Variants in TMEM255B observed in about 807,000 individuals in gnomAD.
TMEM255B encodes family with sequence similarity 70, member B.
Under a neutral mutation model 34.5 loss-of-function variants are expected in TMEM255B, and 35 were observed. That is an observed-to-expected ratio of 1.01 (90% CI 0.77 to 1.34). TMEM255B has a LOEUF of 1.34. Ranked by LOEUF, TMEM255B falls within the 40% of genes most tolerant of loss-of-function variation. The pLI is 0.00. For missense variants in TMEM255B, 432 were observed against 433.2 expected (o/e 1.00, Z 0.02); for synonymous variants, 206 against 201.2 (o/e 1.02, Z -0.20).
At position 113,770,675 on chromosome 13, in the gene TMEM255B, G is replaced by C. The variant is rs1034593464; in HGVS notation, c.252+1515G>C. 2.0e-5 allele frequency among the ~76,000 whole-genome samples: 3 copies of C among 152,104 alleles called. No individual in the cohort carries two copies. Among genetic ancestry groups the C allele is most frequent in the African/African-American group, 7.2e-5 (3 of 41,418 alleles). ...TTTCCTCTCCCACCCACCCCCTGTT[G>C]TTGGCTCCCGAGGGTGGGCGTCACA... On this transcript the variant is annotated intron_variant, in intron 3 of 8. Transcript: ENST00000375353. This position sits in a 1 kb window ranked among gnomAD's most constrained non-coding sequence, Gnocchi z 4.6.
rs1198488955 is a variant in TMEM255B at position 113,806,406 on chromosome 13, A to G, written c.813+1378A>G. 1.3e-5 allele frequency among the ~76,000 whole-genome samples: 2 copies of G among 152,070 alleles called. No homozygotes were observed. The highest frequency in any genetic ancestry group is 4.8e-5 in the African/African-American group (2 of 41,392). On this transcript the variant is annotated intron_variant, in intron 8 of 8. Coordinates refer to ENST00000375353, the MANE Select transcript of TMEM255B (RefSeq NM_182614.4). This position sits in a 1 kb window ranked among gnomAD's most constrained non-coding sequence, Gnocchi z 4.2. ...GCAGCTGTTGGGCTCAGTGGAGATG[A>G]CCAGGGCCTGACAACATCTCCTCGT...
chr13:113,761,404 G>A (rs2050306571), intron 1 of TMEM255B: 1 of 980,324 alleles, frequency 1.0e-6, no homozygotes, highest in Admixed American at 6.1e-5. Flanking sequence ...CTAAGGCTGG[G>A]GAAGGAGCCA....
At position 113,812,794 on chromosome 13, in the gene TMEM255B, G is replaced by GCCCCAGGTGGGTC. The variant is rs2051337509; in HGVS notation, c.*891_*892insCCCCAGGTGGGTC. 1 of 132,020 alleles carries GCCCCAGGTGGGTC rather than the reference G, an allele frequency of 7.6e-6. No homozygotes were observed. Among genetic ancestry groups the GCCCCAGGTGGGTC allele is most frequent in the African/African-American group, 3.6e-5 (1 of 27,524 alleles). The allele number at this position is 132,020 out of a possible 1,614,324, so 8.2% of individuals were successfully genotyped here. A position where few individuals can be genotyped will look rare whatever the true frequency, so the allele number is the denominator to read the frequency against. On this transcript the variant is annotated 3_prime_UTR_variant, in exon 9 of 9. Coordinates refer to ENST00000375353, the MANE Select transcript of TMEM255B (RefSeq NM_182614.4). ...GTCACAGGCCCCGGGTGGGTCACAG[G>GCCCCAGGTGGGTC]ACAGGTCTCAGGTGGGTCACAGGTC... is the stretch of plus-strand genomic sequence containing the variant.
chr13:113,783,349 G>A (rs930595651), intron 3 of TMEM255B, among the ~76,000 whole-genome samples: 7 of 152,184 alleles, frequency 4.6e-5, no homozygotes, highest in East Asian at 1.9e-4. Context: ...GGCCTGCATC[G>A]TTAGCCACTG....
chr13:113,808,169 G>A lies in TMEM255B; in HGVS notation c.813+3141G>A, dbSNP rs528311929. On this transcript the variant is annotated intron_variant, in intron 8 of 8. Transcript: ENST00000375353. ...AAAATATTCAGGGTGTTCCATGGAAGTCGTTAGCAGCAGAAAATACTCCCA... is the reference window on the plus strand; with the variant it reads ...AAAATATTCAGGGTGTTCCATGGAAATCGTTAGCAGCAGAAAATACTCCCA... 2.6e-5 allele frequency among the ~76,000 whole-genome samples: 4 copies of A among 152,300 alleles called. No homozygotes were observed. The East Asian group carries it at 7.7e-4, about 29-fold the overall frequency.
chr13:113,787,778 G>C (rs554943992), intron 3 of TMEM255B, among the ~76,000 whole-genome samples: 2 of 151,740 alleles, frequency 1.3e-5, no homozygotes, highest in South Asian at 4.2e-4. Context: ...GGTGAATCGC[G>C]TCAGCTGGGG....
In TMEM255B at chr13:113,766,192, G is replaced by A. The variant is rs754982247; in HGVS notation, c.124G>A (p.Val42Ile). 1.1e-5 allele frequency: 18 copies of A among 1,614,106 alleles called. No homozygotes were observed. The highest frequency in any genetic ancestry group is 6.7e-5 in the East Asian group (3 of 44,888). Reference sequence around the variant, plus strand: ...GCTGGTGTCCGTCCTCATAGTCACCGTCGGGCTGGCTGCCACCACCAGGAC... The same window carrying A: ...GCTGGTGTCCGTCCTCATAGTCACCATCGGGCTGGCTGCCACCACCAGGAC... ...LLLVSVLIVT[V>I]GLAATTRTEN... is the part of the protein sequence containing the mutation. The change falls in exon 2 of 9, where the codon GTC becomes ATC. Residue 42 changes from valine (V) to isoleucine (I), a missense_variant. Transcript: ENST00000375353.
chr13:113,763,975 C>T (rs1007016054), intron 1 of TMEM255B, among the ~76,000 whole-genome samples: 1 of 152,248 alleles, frequency 6.6e-6, no homozygotes, highest in African/African-American at 2.4e-5. Context: ...CCGTGTGTTC[C>T]GGCTGGCAGG....
At chr13:113,804,794 G>A (rs2051136475) in intron 7 of TMEM255B, 91 bp from the exon 8 acceptor site, 2 of 1,203,476 alleles carry the variant, frequency 1.7e-6, no homozygotes, top group East Asian at 2.6e-5. Flanking sequence ...GAGAGTCGGG[G>A]GTCGAGGGTG....
rs1456383398 is a variant in TMEM255B at position 113,806,189 on chromosome 13, G to A, written c.813+1161G>A. On this transcript the variant is annotated intron_variant, in intron 8 of 8. Transcript: ENST00000375353. This position sits in a 1 kb window ranked among gnomAD's most constrained non-coding sequence, Gnocchi z 4.2. ...CAGAGAGGGCTCAGGTTTGAGCGGG[G>A]CCCGAGAGCCACGACCTTCTCAGCT... 6.6e-6 allele frequency among the ~76,000 whole-genome samples: 1 copy of A among 152,134 alleles called. No individual in the cohort carries two copies. The highest frequency in any genetic ancestry group is 1.5e-5 in the Non-Finnish European group (1 of 68,012).
chr13:113,808,694 G>T (rs1472609445), intron 8 of TMEM255B, among the ~76,000 whole-genome samples: 1 of 144,060 alleles, frequency 6.9e-6, no homozygotes, highest in African/African-American at 2.6e-5. Flanking sequence ...GGTTTACTTC[G>T]TGGCTCCTAG....
At chr13:113,795,294 G>C (rs1439738782) in intron 4 of TMEM255B, 57 bp downstream of exon 4, 1 of 1,548,734 alleles carries the variant, frequency 6.5e-7, no homozygotes, top group Non-Finnish European at 8.8e-7. Flanking sequence ...GAGTCGACGT[G>C]AAAAAAGTAC....
Position 113,801,885 on chromosome 13 carries a change from TG to T in TMEM255B, c.669+79del, listed in dbSNP as rs566736321. 9.1e-5 allele frequency: 132 copies of T among 1,455,852 alleles called. No homozygotes were observed. The East Asian group carries it at 3.2e-3, about 35-fold the overall frequency. 90.2% of individuals were successfully genotyped at this position (1,455,852 alleles called of 1,614,324 possible). Reference sequence around the variant, plus strand: ...CCGGGTCCATTTCCCCGGGGTGGGCTGGGGGGCCTCCAGCCCTCACTTTACA... The same window carrying T: ...CCGGGTCCATTTCCCCGGGGTGGGCTGGGGGCCTCCAGCCCTCACTTTACA... On this transcript the variant is annotated intron_variant, in intron 7 of 8. Transcript: ENST00000375353.
At chr13:113,801,118 C>T (rs1343763736) in intron 6 of TMEM255B, among the ~76,000 whole-genome samples, 1 of 152,204 alleles carries the variant, frequency 6.6e-6, no homozygotes, top group Non-Finnish European at 1.5e-5. Flanking sequence ...CCCCCCACAC[C>T]CCTGCACCTA....
chr13:113,759,369 C>T (rs2050254368), intron 1 of TMEM255B, 54 bp downstream of exon 1: 1 of 1,226,440 alleles, frequency 8.2e-7, no homozygotes, highest in Non-Finnish European at 1.0e-6. Context: ...CGTGGGGACC[C>T]CGGGGCTGGG....
At chr13:113,778,120 G>T (rs557894728) in intron 3 of TMEM255B, among the ~76,000 whole-genome samples, 1 of 152,358 alleles carries the variant, frequency 6.6e-6, no homozygotes, top group South Asian at 2.1e-4. Context: ...CTCGGAACAA[G>T]CTGCCCTCCA....
At chr13:113,811,655 C>T in intron 8 of TMEM255B, 81 bp from the exon 9 acceptor site, 2 of 1,540,996 alleles carry the variant, frequency 1.3e-6, no homozygotes, top group Non-Finnish European at 1.8e-6. Context: ...TGTGAGTGGC[C>T]CTGGTATATG....
intron 3 of TMEM255B, among the ~76,000 whole-genome samples, chr13:113,780,415 A>G (rs544995747): frequency 6.6e-6 from 1 of 152,374 alleles, no homozygotes; most frequent in African/African-American, 2.4e-5. Context: ...CAAATTCTGG[A>G]GAAAATCAGG....
chr13:113,811,051 C>T (rs1412831466), intron 8 of TMEM255B, among the ~76,000 whole-genome samples: 2 of 152,098 alleles, frequency 1.3e-5, no homozygotes, highest in African/African-American at 2.4e-5. Context: ...CCCCATGCAG[C>T]TGTGGAGGCC....
Sources: allele counts gnomAD v4.1 joint callset (sites outside exome capture counted in the v4.1 genomes callset), GRCh38; gene constraint gnomAD v4.1.1; non-coding constraint Gnocchi (gnomAD v3.1); transcripts MANE v1.5; gene names NCBI Gene and HGNC (gene_info 2026-07-23, HGNC 2026-07-21).